INTS9: variants seen among roughly 807,000 people sequenced by gnomAD.
INTS9 encodes the protein integrator complex subunit 9, also known as protein related to CPSF subunits of 74 kDa.
INTS9 carries 55 observed loss-of-function variants against 79.7 expected under a neutral mutation model. The observed-to-expected ratio is 0.69, with a 90% confidence interval of 0.56 to 0.86. The LOEUF is 0.86. Ranked by LOEUF, INTS9 falls within the 40% of genes least tolerant of loss-of-function variation. The probability of loss-of-function intolerance (pLI) is 0.00; values close to 1 mark genes in which losing one functional copy is unlikely to be tolerated. For synonymous variants in INTS9, 319 were observed against 325.2 expected (o/e 0.98, Z 0.20); for missense variants, 721 against 831.5 (o/e 0.87, Z 1.64).
intron 8 of INTS9, among the ~76,000 whole-genome samples, chr8:28,811,566 G>A (rs759844464): frequency 4.6e-5 from 7 of 151,966 alleles, no homozygotes; most frequent in Admixed American, 2.0e-4. Context: ...GGACCACAGC[G>A]TGTGCCACCA....
chr8:28,807,904 A>G (rs1804898378), intron 8 of INTS9, among the ~76,000 whole-genome samples: 7 of 152,238 alleles, frequency 4.6e-5, no homozygotes, highest in Admixed American at 4.6e-4. Context: ...AGGTTAGAAG[A>G]GAGGTGAGAA....
chr8:28,870,582 A>G (rs1421695876), intron 1 of INTS9, among the ~76,000 whole-genome samples: 6 of 152,180 alleles, frequency 3.9e-5, no homozygotes, highest in African/African-American at 9.7e-5. Flanking sequence ...CTAAGAATTT[A>G]TTCTAGCATG....
chr8:28,882,264 G>A (rs1450249198), intron 1 of INTS9, among the ~76,000 whole-genome samples: 8 of 132,864 alleles, frequency 6.0e-5, no homozygotes, highest in Admixed American at 2.4e-4. Context: ...CAGCATGCTC[G>A]TTAAGAGTCA....
At chr8:28,874,718 C>G (rs745456755) in intron 1 of INTS9, among the ~76,000 whole-genome samples, 20 of 152,162 alleles carry the variant, frequency 1.3e-4, no homozygotes, top group Admixed American at 2.6e-4. Flanking sequence ...CTTCAATTTG[C>G]CTAACTTTCC....
intron 1 of INTS9, among the ~76,000 whole-genome samples, chr8:28,881,816 G>A (rs1173427951): frequency 1.3e-4 from 18 of 137,468 alleles, no homozygotes; most frequent in African/African-American, 1.9e-4. Context: ...CAGCCGCCCC[G>A]TCCGGGAGGG....
intron 1 of INTS9, among the ~76,000 whole-genome samples, chr8:28,888,973 G>C (rs968334169): frequency 6.6e-6 from 1 of 151,798 alleles, no homozygotes; most frequent in African/African-American, 2.4e-5. Context: ...GCGCGATCTT[G>C]GCTTACTGCA....
At chr8:28,826,690 G>T (rs905297422) in intron 6 of INTS9, among the ~76,000 whole-genome samples, 2 of 152,128 alleles carry the variant, frequency 1.3e-5, no homozygotes, top group Non-Finnish European at 2.9e-5. Context: ...TATCTTGCTC[G>T]CTTTCTTGCC....
rs1272354084 is a variant in INTS9 at position 28,770,042 on chromosome 8, A to C, written c.1663-16T>G. 6.2e-7 allele frequency: 1 copy of C among 1,612,414 alleles called. No individual in the cohort carries two copies. Among genetic ancestry groups the C allele is most frequent in the East Asian group, 2.2e-5 (1 of 44,880 alleles). ...GAGGAGGGGGCTAGAGCAGAAGGAA[A>C]GAGTGGCTTTCATGAGCTTCCTCTG... is the stretch of plus-strand genomic sequence containing the variant. On this transcript the variant is annotated splice_polypyrimidine_tract_variant and intron_variant, in intron 15 of 16. Transcript: ENST00000521022.
intron 1 of INTS9, among the ~76,000 whole-genome samples, chr8:28,879,179 C>A (rs1012506526): frequency 6.6e-6 from 1 of 152,132 alleles, no homozygotes; most frequent in African/African-American, 2.4e-5. Flanking sequence ...ACATCCTCAA[C>A]AAAATGTTAG....
intron 14 of INTS9, among the ~76,000 whole-genome samples, chr8:28,772,806 CAAAAAAAGAA>C (rs57666019): frequency 0.25 from 37,047 of 149,788 alleles, 4,710 homozygotes; most frequent in East Asian, 0.52. Context: ...GACTCCGTCT[CAAAAAAAGAA>C]AAAAAAAGAC....
chr8:28,798,896 T>G (rs1315962952), intron 8 of INTS9, among the ~76,000 whole-genome samples: 1 of 152,184 alleles, frequency 6.6e-6, no homozygotes, highest in Non-Finnish European at 1.5e-5. Flanking sequence ...ACTCTGACAT[T>G]TGAGGCTGCA....
intron 1 of INTS9, among the ~76,000 whole-genome samples, chr8:28,887,491 G>C (rs901128341): frequency 2.0e-4 from 30 of 152,332 alleles, no homozygotes; most frequent in African/African-American, 7.0e-4. Flanking sequence ...TTGTGTGTGG[G>C]AAGGGTACTC....
At chr8:28,876,750 A>G (rs1319663115) in intron 1 of INTS9, among the ~76,000 whole-genome samples, 2 of 152,156 alleles carry the variant, frequency 1.3e-5, no homozygotes, top group Non-Finnish European at 2.9e-5. Flanking sequence ...TGGAAAGGGT[A>G]TTAAAAATTA....
Position 28,767,912 on chromosome 8 carries a change from A to G in INTS9, c.*234T>C, listed in dbSNP as rs186706500. 384 of 514,008 alleles carry G rather than the reference A, an allele frequency of 7.5e-4. No homozygotes were observed. Among genetic ancestry groups the G allele is most frequent in the African/African-American group, 5.7e-3 (300 of 52,202 alleles). The allele number at this position is 514,008 out of a possible 1,614,324, so 31.8% of individuals were successfully genotyped here. A position where few individuals can be genotyped will look rare whatever the true frequency, so the allele number is the denominator to read the frequency against. ...ACTTCTGCCACCCTCCAGCTCCTTGAGAGAGCCAGAGTTGAGAAGAAAATG... is the reference window on the plus strand; with the variant it reads ...ACTTCTGCCACCCTCCAGCTCCTTGGGAGAGCCAGAGTTGAGAAGAAAATG... On this transcript the variant is annotated 3_prime_UTR_variant, in exon 17 of 17. Transcript: ENST00000521022.
chr8:28,787,880 G>A lies in INTS9; in HGVS notation c.1047C>T (p.His349=), dbSNP rs753483725. 9 of 1,600,204 alleles carry A rather than the reference G, an allele frequency of 5.6e-6. No individual in the cohort carries two copies. Among genetic ancestry groups the A allele is most frequent in the South Asian group, 1.1e-5 (1 of 89,878 alleles). ...FSQIFAEWLC[H]NKQSKVYLPE... ...GAAGATACACCTTACTCTGTTTGTTGTGACAAAGCCTATTAAAGAGGAAAA... is the reference window on the plus strand; with the variant it reads ...GAAGATACACCTTACTCTGTTTGTTATGACAAAGCCTATTAAAGAGGAAAA... The change falls in exon 11 of 17, where the codon CAC becomes CAT. Residue 349 remains histidine, a synonymous_variant. Transcript: ENST00000521022.
At chr8:28,781,103 A>C in intron 11 of INTS9, 109 bp from the exon 12 acceptor site, 1 of 812,632 alleles carries the variant, frequency 1.2e-6, no homozygotes, top group Non-Finnish European at 1.9e-6. Flanking sequence ...AACAAAGAAG[A>C]CAAGCCACGG....
chr8:28,881,791 G>A (rs1205053779), intron 1 of INTS9, among the ~76,000 whole-genome samples: 4 of 140,408 alleles, frequency 2.8e-5, no homozygotes, highest in African/African-American at 1.1e-4. Context: ...GAAGTGAGGA[G>A]CCCCTCTGCC....
intron 3 of INTS9, 83 bp from the exon 4 acceptor site, chr8:28,846,892 T>G: frequency 9.5e-7 from 1 of 1,054,796 alleles, no homozygotes; most frequent in African/African-American, 1.6e-5. Flanking sequence ...CAAACAAAAC[T>G]TTTCATGAAG....
At position 28,768,339 on chromosome 8, in the gene INTS9, G is replaced by C; in HGVS notation, c.1801-17C>G. 6.2e-7 allele frequency: 1 copy of C among 1,611,048 alleles called. No homozygotes were observed. Among genetic ancestry groups the C allele is most frequent in the African/African-American group, 1.3e-5 (1 of 75,048 alleles). On this transcript the variant is annotated splice_polypyrimidine_tract_variant and intron_variant, in intron 16 of 16. Transcript: ENST00000521022. ...GAAGCCATGCTGCTCCAGAAGAAAA[G>C]AAAGAGGTGGGCTGGGCAGACTGCA...
Sources: gnomAD v4.1 joint callset for allele counts (sites outside exome capture counted in the v4.1 genomes callset) on GRCh38, gnomAD v4.1.1 for gene constraint, MANE v1.5 for transcripts, NCBI Gene and HGNC (gene_info 2026-07-23, HGNC 2026-07-21) for gene names.